TASP1: variants seen among roughly 807,000 people sequenced by gnomAD.
TASP1 encodes the protein threonine aspartase 1.
TASP1 carries 16 observed loss-of-function variants against 56.6 expected under a neutral mutation model. The ratio of observed to expected loss-of-function variants is 0.28; its 90% CI spans 0.19 to 0.43. The LOEUF is 0.43. Among genes scored for constraint, TASP1 ranks in the 20% least tolerant of loss-of-function variants. The probability of loss-of-function intolerance (pLI) is 1.00; values close to 1 mark genes in which losing one functional copy is unlikely to be tolerated. For synonymous variants in TASP1, 179 were observed against 184.2 expected (o/e 0.97, Z 0.23); for missense variants, 393 against 511.6 (o/e 0.77, Z 2.24).
chr20:13,159,930 C>G, the TASP1 span: 2 of 1,442,558 alleles, frequency 1.4e-6, no homozygotes, highest in Non-Finnish European at 1.8e-6. Flanking sequence ...AGCCATATTC[C>G]TTTTTTGTCA....
chr20:13,298,920 G>T, the TASP1 span: 2 of 1,609,626 alleles, frequency 1.2e-6, no homozygotes, highest in Admixed American at 3.3e-5. Context: ...CGGTGAGAGG[G>T]TTTCTCTTTG....
At chr20:13,420,870 T>C (rs977676928) in intron 12 of TASP1, among the ~76,000 whole-genome samples, 7 of 152,180 alleles carry the variant, frequency 4.6e-5, no homozygotes, top group Non-Finnish European at 7.3e-5. Context: ...CATTGTTATA[T>C]TACTCTGAAA....
At chr20:13,118,056 G>GACATGGTTTAGAA in the TASP1 span, among the ~76,000 whole-genome samples, 1 of 152,172 alleles carries the variant, frequency 6.6e-6, no homozygotes, top group African/African-American at 2.4e-5. Flanking sequence ...TATCCATCTG[G>GACATGGTTTAGAA]TAGACAAATA....
the TASP1 span, among the ~76,000 whole-genome samples, chr20:13,150,131 C>T: frequency 6.6e-6 from 1 of 152,108 alleles, no homozygotes; most frequent in Non-Finnish European, 1.5e-5. Flanking sequence ...TTACCATAGC[C>T]CTCTTTTCCT....
chr20:13,340,451 A>G, the TASP1 span, among the ~76,000 whole-genome samples: 4 of 147,262 alleles, frequency 2.7e-5, no homozygotes, highest in African/African-American at 5.0e-5. Flanking sequence ...TCTAACAAAA[A>G]CTCCATCATA....
intron 11 of TASP1, among the ~76,000 whole-genome samples, chr20:13,452,274 A>G (rs1178260465): frequency 6.6e-6 from 1 of 152,074 alleles, no homozygotes; most frequent in African/African-American, 2.4e-5. Flanking sequence ...TAGATCTTCA[A>G]TTTGTTTTGA....
intron 11 of TASP1, among the ~76,000 whole-genome samples, chr20:13,442,252 C>T (rs897216589): frequency 6.6e-6 from 1 of 151,562 alleles, no homozygotes. Flanking sequence ...AAAACAATTC[C>T]ACCACACACA....
chr20:13,244,673 T>G, the TASP1 span, among the ~76,000 whole-genome samples: 1 of 152,372 alleles, frequency 6.6e-6, no homozygotes, highest in Middle Eastern at 3.4e-3. Context: ...ATAATGTGGT[T>G]TCTTCAAAAT....
intron 10 of TASP1, among the ~76,000 whole-genome samples, chr20:13,504,749 A>C (rs1281506549): frequency 6.6e-6 from 1 of 152,186 alleles, no homozygotes; most frequent in Non-Finnish European, 1.5e-5. Flanking sequence ...TAGAGTTTTC[A>C]TATCTAATCA....
chr20:13,447,086 C>T (rs140478795), intron 11 of TASP1, among the ~76,000 whole-genome samples: 1 of 152,234 alleles, frequency 6.6e-6, no homozygotes, highest in Non-Finnish European at 1.5e-5. Flanking sequence ...TCAGCATACT[C>T]ATTTATTTGC....
chr20:13,360,030 A>G, the TASP1 span, among the ~76,000 whole-genome samples: 24 of 152,120 alleles, frequency 1.6e-4, no homozygotes, highest in South Asian at 3.9e-3. Context: ...CTCTCCTTAC[A>G]ATTCCCCCAT....
the TASP1 span, among the ~76,000 whole-genome samples, chr20:13,125,419 T>C: frequency 5.0e-4 from 76 of 152,200 alleles, no homozygotes; most frequent in Non-Finnish European, 9.3e-4. Flanking sequence ...CCCACAAGCC[T>C]CTACTCAAAC....
chr20:13,247,520 G>GTGTGTGTGTGTC, the TASP1 span, among the ~76,000 whole-genome samples: 497 of 85,352 alleles, frequency 5.8e-3, 5 homozygotes, highest in Middle Eastern at 0.023. Context: ...AGTGAGGGGT[G>GTGTGTGTGTGTC]TGTGTGTGTG....
the TASP1 span, among the ~76,000 whole-genome samples, chr20:13,361,441 T>C: frequency 6.6e-6 from 1 of 152,130 alleles, no homozygotes; most frequent in Non-Finnish European, 1.5e-5. Context: ...CGGTCCTCCA[T>C]CTTCAAGAAA....
At chr20:13,491,973 T>C (rs2043548346) in intron 10 of TASP1, among the ~76,000 whole-genome samples, 1 of 152,158 alleles carries the variant, frequency 6.6e-6, no homozygotes, top group Non-Finnish European at 1.5e-5. Flanking sequence ...ATCTCACAGA[T>C]CTTTCTTATC....
intron 11 of TASP1, among the ~76,000 whole-genome samples, chr20:13,457,877 G>A (rs6042125): frequency 0.017 from 2,560 of 151,952 alleles, 75 homozygotes; most frequent in African/African-American, 0.057. Context: ...TCCCGGAAGG[G>A]GCTAATAACT....
intron 2 of TASP1, among the ~76,000 whole-genome samples, chr20:13,628,234 T>C (rs1240673752): frequency 2.0e-5 from 3 of 152,230 alleles, no homozygotes; most frequent in South Asian, 2.1e-4. Flanking sequence ...ATAATAGTTA[T>C]AGAAAGTAAG....
At chr20:13,599,641 C>T (rs1041616341) in intron 4 of TASP1, among the ~76,000 whole-genome samples, 6 of 151,800 alleles carry the variant, frequency 4.0e-5, no homozygotes, top group Non-Finnish European at 4.4e-5. Context: ...CAAACCTGCA[C>T]GTCGTGTACA....
the TASP1 span, among the ~76,000 whole-genome samples, chr20:13,250,737 G>C: frequency 6.6e-6 from 1 of 152,200 alleles, no homozygotes. Flanking sequence ...CTTTGGAACG[G>C]AGTAATTGGC....
Sources: gnomAD v4.1 joint callset for allele counts (sites outside exome capture counted in the v4.1 genomes callset) on GRCh38, gnomAD v4.1.1 for gene constraint, MANE v1.5 for transcripts, NCBI Gene and HGNC (gene_info 2026-07-23, HGNC 2026-07-21) for gene names.